Variants in MGAT4C observed in about 807,000 individuals in gnomAD.
The protein encoded by MGAT4C is MGAT4 family member C, also known as alpha-1,3-mannosyl-glycoprotein 4-beta-N-acetylglucosaminyltransferase C.
Under a neutral mutation model 40.1 loss-of-function variants are expected in MGAT4C, and 19 were observed. That is an observed-to-expected ratio of 0.47 (90% confidence interval 0.33 to 0.70). The LOEUF is 0.70. Ranked by LOEUF, MGAT4C falls within the 30% of genes least tolerant of loss-of-function variation. The pLI, the probability that MGAT4C is intolerant of heterozygous loss-of-function variation, is 0.02. For synonymous variants in MGAT4C, 181 were observed against 187.1 expected, an observed-to-expected ratio of 0.97 and a Z score of 0.27; for missense variants, 491 against 563.2, an observed-to-expected ratio of 0.87 and a Z score of 1.30.
intron 1 of MGAT4C, among the ~76,000 whole-genome samples, chr12:86,134,465 T>C (rs1390271354): frequency 1.3e-5 from 2 of 152,112 alleles, no homozygotes; most frequent in African/African-American, 2.4e-5. Flanking sequence ...TTGTTGTAAG[T>C]AGGGTTTATA....
rs544228440 is a variant in MGAT4C at position 85,966,591 on chromosome 12, C to T, written c.*12698G>A. ...TATAAATCATGCTTCTATAAAGACA[C>T]ATGCACACGTATGTTTATTGCGGCA... On this transcript the variant is annotated 3_prime_UTR_variant, in exon 5 of 5. Coordinates refer to ENST00000611864, the MANE Select transcript of MGAT4C (RefSeq NM_001351288.2). 3 of 152,250 alleles carry T rather than the reference C, an allele frequency of 2.0e-5. No homozygotes were observed. The South Asian group carries it at 6.2e-4, about 32-fold the overall frequency. 9.4% of individuals were successfully genotyped at this position (152,250 alleles called of 1,614,324 possible).
At chr12:86,158,114 C>CAT (rs1052475848) in intron 1 of MGAT4C, among the ~76,000 whole-genome samples, 1 of 152,074 alleles carries the variant, frequency 6.6e-6, no homozygotes, top group Admixed American at 6.6e-5. Flanking sequence ...CATTACTTTA[C>CAT]ATATATATAT....
chr12:86,018,969 G>T (rs1047738675), intron 2 of MGAT4C, among the ~76,000 whole-genome samples: 2 of 152,014 alleles, frequency 1.3e-5, no homozygotes, highest in Non-Finnish European at 2.9e-5. Flanking sequence ...GACAAGTTAT[G>T]TTGTAACTTA....
intron 3 of MGAT4C, among the ~76,000 whole-genome samples, chr12:86,418,000 C>T (rs1003515398): frequency 6.6e-6 from 1 of 152,094 alleles, no homozygotes; most frequent in Non-Finnish European, 1.5e-5. Context: ...GGAGACAAGA[C>T]TAGAGTCCTA....
chr12:86,685,915 C>A (rs777360929), intron 2 of MGAT4C, among the ~76,000 whole-genome samples: 2 of 149,076 alleles, frequency 1.3e-5, no homozygotes, highest in Non-Finnish European at 3.0e-5. Context: ...CAGGCTGGAG[C>A]GCAGTGGCAC....
intron 1 of MGAT4C, among the ~76,000 whole-genome samples, chr12:86,769,977 T>C (rs879597501): frequency 3.3e-4 from 50 of 151,774 alleles, no homozygotes; most frequent in Non-Finnish European, 6.2e-4. Flanking sequence ...CTAACCTGCA[T>C]ATTGTGCACA....
intron 1 of MGAT4C, among the ~76,000 whole-genome samples, chr12:86,809,460 T>C (rs929926585): frequency 5.3e-5 from 8 of 152,034 alleles, no homozygotes; most frequent in Non-Finnish European, 1.2e-4. Flanking sequence ...AATTGACAAA[T>C]TGGTTCCCAG....
At chr12:86,340,153 G>A (rs75896443) in intron 3 of MGAT4C, among the ~76,000 whole-genome samples, 1,571 of 152,170 alleles carry the variant, frequency 0.01, 19 homozygotes, top group East Asian at 0.045. Flanking sequence ...TGCTTCATGT[G>A]CTTTTATTCT....
chr12:86,655,609 T>G (rs1963828421), intron 2 of MGAT4C, among the ~76,000 whole-genome samples: 1 of 152,114 alleles, frequency 6.6e-6, no homozygotes, highest in Non-Finnish European at 1.5e-5. Context: ...TGTCTATTAT[T>G]CCTCAAGCAT....
At chr12:86,329,105 T>C (rs1160846434) in intron 4 of MGAT4C, among the ~76,000 whole-genome samples, 1 of 121,854 alleles carries the variant, frequency 8.2e-6, no homozygotes, top group Non-Finnish European at 1.6e-5. Flanking sequence ...TCCATTTCAA[T>C]AAATAAATAA....
At position 86,050,468 on chromosome 12, in the gene MGAT4C, A is replaced by C. The variant is rs1039453270; in HGVS notation, c.-56-745T>G. Among the ~76,000 whole-genome samples the C allele has an allele frequency of 1.1e-4, 17 of 152,106 alleles. 1 individual carries two copies. The highest frequency in any genetic ancestry group is 9.8e-4 in the Admixed American group (15 of 15,244). The stretch of plus-strand genomic sequence containing the variant: ...ATTTTGTATTATCTTTTCCCACTAT[A>C]CATAAACACATATTTATATTTTTAA... On this transcript the variant is annotated intron_variant, in intron 1 of 4. Coordinates refer to ENST00000611864, the MANE Select transcript of MGAT4C (RefSeq NM_001351288.2).
intron 1 of MGAT4C, among the ~76,000 whole-genome samples, chr12:86,773,140 C>T (rs1951667840): frequency 6.6e-6 from 1 of 152,102 alleles, no homozygotes; most frequent in South Asian, 2.1e-4. Context: ...TTGATGGTCA[C>T]TTTACAGATA....
At chr12:86,645,573 T>C (rs1963519687) in intron 2 of MGAT4C, among the ~76,000 whole-genome samples, 2 of 151,776 alleles carry the variant, frequency 1.3e-5, no homozygotes, top group Admixed American at 1.3e-4. Context: ...CTCTACACTT[T>C]CTTAAATCTG....
chr12:86,420,283 G>A (rs1956795154), intron 3 of MGAT4C, among the ~76,000 whole-genome samples: 1 of 151,938 alleles, frequency 6.6e-6, no homozygotes, highest in East Asian at 1.9e-4. Flanking sequence ...TCTCGAGGCG[G>A]GAGTGGGAGG....
At chr12:86,726,998 G>A (rs555556712) in intron 2 of MGAT4C, among the ~76,000 whole-genome samples, 16 of 152,124 alleles carry the variant, frequency 1.1e-4, no homozygotes, top group African/African-American at 3.9e-4. Context: ...CCCACCCTAA[G>A]TTAAACATAT....
chr12:86,564,698 AT>A (rs1960014006), intron 2 of MGAT4C, among the ~76,000 whole-genome samples: 1 of 152,170 alleles, frequency 6.6e-6, no homozygotes. Context: ...CCCTCGTACA[AT>A]CAAGAAAGAT....
chr12:86,646,925 G>C (rs1963556609), intron 2 of MGAT4C, among the ~76,000 whole-genome samples: 1 of 151,950 alleles, frequency 6.6e-6, no homozygotes, highest in South Asian at 2.1e-4. Flanking sequence ...TTTGTACCGT[G>C]CAAATTGGTT....
intron 1 of MGAT4C, among the ~76,000 whole-genome samples, chr12:86,064,932 C>T (rs1028133558): frequency 5.3e-5 from 8 of 152,206 alleles, no homozygotes; most frequent in Admixed American, 2.6e-4. Context: ...ACTATAAACA[C>T]CTCTACACAA....
intron 2 of MGAT4C, among the ~76,000 whole-genome samples, chr12:86,508,760 G>A (rs1427469942): frequency 1.7e-4 from 25 of 148,840 alleles, no homozygotes; most frequent in Admixed American, 1.4e-3. Flanking sequence ...TCTAACTGGT[G>A]TGAGATGGTA....
Sources: allele counts gnomAD v4.1 joint callset (sites outside exome capture counted in the v4.1 genomes callset), GRCh38; gene constraint gnomAD v4.1.1; transcripts MANE v1.5; gene names NCBI Gene and HGNC (gene_info 2026-07-23, HGNC 2026-07-21).